Variants in MAGI2 observed in about 807,000 individuals in gnomAD.
MAGI2 encodes the protein membrane associated guanylate kinase, WW and PDZ domain containing 2.
Under a neutral mutation model 133.3 loss-of-function variants are expected in MAGI2, and 35 were observed. The ratio of observed to expected loss-of-function variants is 0.26; its 90% CI spans 0.20 to 0.35. The LOEUF is 0.35. Among genes scored for constraint, MAGI2 ranks in the 10% least tolerant of loss-of-function variants. MAGI2 has a pLI of 1.00. For synonymous variants in MAGI2, 729 were observed against 710.6 expected, an observed-to-expected ratio of 1.03 and a Z score of -0.41; for missense variants, 1,636 against 1,863.4, an observed-to-expected ratio of 0.88 and a Z score of 2.25.
chr7:79,233,888 C>G (rs575472495), intron 1 of MAGI2, among the ~76,000 whole-genome samples: 1,679 of 151,790 alleles, frequency 0.011, 41 homozygotes, highest in African/African-American at 0.039. Context: ...TCTTCCTAGT[C>G]TTGATGGTCT....
At chr7:79,146,674 G>A (rs543011530) in intron 1 of MAGI2, among the ~76,000 whole-genome samples, 3 of 152,196 alleles carry the variant, frequency 2.0e-5, no homozygotes, top group Non-Finnish European at 4.4e-5. Flanking sequence ...TTGCCATCAT[G>A]TAAGACGTGA....
At chr7:78,455,566 T>C (rs964034821) in intron 6 of MAGI2, among the ~76,000 whole-genome samples, 1 of 152,084 alleles carries the variant, frequency 6.6e-6, no homozygotes, top group African/African-American at 2.4e-5. Flanking sequence ...CACAAAAATA[T>C]CCTGAAAGAT....
chr7:78,021,741 C>A (rs959519367), intron 21 of MAGI2, among the ~76,000 whole-genome samples: 2 of 152,170 alleles, frequency 1.3e-5, no homozygotes, highest in African/African-American at 2.4e-5. Context: ...CCTAGAAGTC[C>A]TGGAATCTAA....
chr7:79,395,136 A>G (rs1209799394), intron 1 of MAGI2, among the ~76,000 whole-genome samples: 2 of 152,216 alleles, frequency 1.3e-5, no homozygotes, highest in Non-Finnish European at 2.9e-5. Flanking sequence ...AAATAAGCCC[A>G]AAGTTTAAAG....
chr7:78,019,704 T>A lies in MAGI2; in HGVS notation c.3979A>T (p.Arg1327Trp). ...TGGCCGCCGGGCGCCTCCTCGAGCC[T>A]CGGCCGCGCGGCCCTCTGCGGACTC... Reference protein sequence around the residue: ...SASPQRAARPRLEEAPGGQGR... With the variant: ...SASPQRAARPWLEEAPGGQGR... The change falls in exon 22 of 22, where the codon AGG (arginine) becomes TGG (tryptophan). Residue 1327 changes from arginine (R) to tryptophan (W), a missense_variant. Around this residue, in one of 5 missense-constraint regions of MAGI2, gnomAD observed 354 missense variants for 298.7 expected, o/e 1.19. Coordinates refer to ENST00000354212, the MANE Select transcript of MAGI2 (RefSeq NM_012301.4). 1 of 1,572,538 alleles carries A rather than the reference T, an allele frequency of 6.4e-7. No individual in the cohort carries two copies. Among genetic ancestry groups the A allele is most frequent in the African/African-American group, 1.4e-5 (1 of 71,474 alleles).
At chr7:78,386,902 A>G (rs1452716565) in intron 6 of MAGI2, among the ~76,000 whole-genome samples, 2 of 152,300 alleles carry the variant, frequency 1.3e-5, no homozygotes, top group Middle Eastern at 3.4e-3. Flanking sequence ...CACTAAAAAT[A>G]TTGATTTGTA....
intron 1 of MAGI2, among the ~76,000 whole-genome samples, chr7:79,241,873 T>C (rs1209427471): frequency 1.3e-5 from 2 of 152,190 alleles, no homozygotes; most frequent in Admixed American, 1.3e-4. Context: ...CAGCCCATCC[T>C]GTGGTCCCAT....
At chr7:79,082,116 C>A (rs1333283132) in intron 1 of MAGI2, among the ~76,000 whole-genome samples, 3 of 151,994 alleles carry the variant, frequency 2.0e-5, no homozygotes, top group African/African-American at 7.2e-5. Flanking sequence ...ATTCTGAATA[C>A]CACTCCATTA....
intron 3 of MAGI2, among the ~76,000 whole-genome samples, chr7:78,612,957 A>AC (rs1351969044): frequency 3.9e-5 from 6 of 152,246 alleles, no homozygotes; most frequent in Non-Finnish European, 7.3e-5. Flanking sequence ...GGCGTGAGCC[A>AC]CCGCGCCAGG....
intron 1 of MAGI2, among the ~76,000 whole-genome samples, chr7:79,097,040 T>G (rs1817578163): frequency 6.6e-6 from 1 of 152,200 alleles, no homozygotes; most frequent in Admixed American, 6.5e-5. Context: ...CAAAGTAATC[T>G]AAAACATAAA....
At chr7:79,028,216 A>AG (rs1398976770) in intron 1 of MAGI2, among the ~76,000 whole-genome samples, 1 of 114,726 alleles carries the variant, frequency 8.7e-6, no homozygotes, top group African/African-American at 3.5e-5. Flanking sequence ...ATCTCAAAAA[A>AG]ATATATATAT....
chr7:78,724,417 T>C (rs10229458), intron 2 of MAGI2, among the ~76,000 whole-genome samples: 11,880 of 152,202 alleles, frequency 0.078, 601 homozygotes, highest in African/African-American at 0.12. Context: ...GTACCATAGT[T>C]GTAGATGGCA....
chr7:78,443,984 T>C (rs1787879264), intron 6 of MAGI2, among the ~76,000 whole-genome samples: 1 of 152,106 alleles, frequency 6.6e-6, no homozygotes, highest in Non-Finnish European at 1.5e-5. Context: ...GAGGTGTTGT[T>C]TACTTGAGCG....
At chr7:78,368,254 A>G (rs557775908) in intron 7 of MAGI2, among the ~76,000 whole-genome samples, 156 of 152,336 alleles carry the variant, frequency 1.0e-3, no homozygotes, top group African/African-American at 3.6e-3. Flanking sequence ...ATATTGTTAC[A>G]AAAACAATTT....
At chr7:78,126,244 A>G (rs73138394) in intron 19 of MAGI2, among the ~76,000 whole-genome samples, 17,856 of 148,454 alleles carry the variant, frequency 0.12, 1,391 homozygotes, top group Non-Finnish European at 0.18. Flanking sequence ...GAGTTTGCTG[A>G]TTAGAAAAGT....
intron 10 of MAGI2, chr7:78,254,519 GAGA>G (rs1159798870): frequency 6.6e-6 from 1 of 152,196 alleles, no homozygotes; most frequent in Non-Finnish European, 1.5e-5. Flanking sequence ...ACAATGCCTT[GAGA>G]AGGTCAAATT....
intron 4 of MAGI2, among the ~76,000 whole-genome samples, chr7:78,505,772 G>T (rs62467121): frequency 0.2 from 30,852 of 152,050 alleles, 3,255 homozygotes; most frequent in African/African-American, 0.27. Flanking sequence ...TAAGGGAATC[G>T]TATGTATATG....
At chr7:78,239,735 T>C (rs1790935656) in intron 10 of MAGI2, among the ~76,000 whole-genome samples, 1 of 152,158 alleles carries the variant, frequency 6.6e-6, no homozygotes, top group Non-Finnish European at 1.5e-5. Context: ...AGAATAGTTA[T>C]TAGGAAAAAG....
intron 2 of MAGI2, among the ~76,000 whole-genome samples, chr7:78,681,360 T>C (rs557735191): frequency 1.2e-3 from 186 of 152,204 alleles, no homozygotes; most frequent in South Asian, 4.1e-3. Context: ...TGGTCTGTTA[T>C]AAGCCATAAA....
Sources: gnomAD v4.1 joint callset for allele counts (sites outside exome capture counted in the v4.1 genomes callset) on GRCh38, gnomAD v4.1.1 for gene constraint, gnomAD v4.1.1 regional missense constraint, MANE v1.5 for transcripts, NCBI Gene and HGNC (gene_info 2026-07-23, HGNC 2026-07-21) for gene names.